SEMA5A: variants seen among roughly 807,000 people sequenced by gnomAD.
The protein encoded by SEMA5A is semaphorin-5A.
Under a neutral mutation model 135.5 loss-of-function variants are expected in SEMA5A, and 55 were observed. That is an observed-to-expected ratio of 0.41 (90% CI 0.33 to 0.51). The LOEUF is 0.51. SEMA5A is among the 20% of genes least tolerant of loss of function. The pLI is 0.37. For synonymous variants in SEMA5A, 580 were observed against 546.5 expected (o/e 1.06, Z -0.85); for missense variants, 1,290 against 1,419.9 (o/e 0.91, Z 1.47).
At chr5:9,215,981 T>G (rs957295751) in intron 8 of SEMA5A, among the ~76,000 whole-genome samples, 1 of 152,182 alleles carries the variant, frequency 6.6e-6, no homozygotes, top group Non-Finnish European at 1.5e-5. Flanking sequence ...CTATATATGA[T>G]GCATACCTGA....
chr5:9,070,632 T>C (rs1737722959), intron 16 of SEMA5A, among the ~76,000 whole-genome samples: 3 of 152,224 alleles, frequency 2.0e-5, no homozygotes, highest in African/African-American at 2.4e-5. Context: ...TGCATTGGCA[T>C]CTGTGTGTTG....
intron 2 of SEMA5A, among the ~76,000 whole-genome samples, chr5:9,389,808 C>T (rs768920105): frequency 6.6e-5 from 10 of 152,188 alleles, no homozygotes; most frequent in Non-Finnish European, 1.3e-4. Context: ...ACTTTTCTCT[C>T]GTCCCTATCT....
intron 11 of SEMA5A, among the ~76,000 whole-genome samples, chr5:9,168,629 T>C (rs1174250819): frequency 6.6e-6 from 1 of 152,226 alleles, no homozygotes; most frequent in Non-Finnish European, 1.5e-5. Flanking sequence ...TGGGCAGGGA[T>C]ACTACCTTCA....
intron 1 of SEMA5A, among the ~76,000 whole-genome samples, chr5:9,504,006 G>C (rs751211272): frequency 4.6e-5 from 7 of 151,956 alleles, no homozygotes; most frequent in Admixed American, 1.3e-4. Flanking sequence ...CACAAGGTCA[G>C]GGATTTGAGA....
intron 1 of SEMA5A, among the ~76,000 whole-genome samples, chr5:9,483,100 T>G (rs1240658699): frequency 6.6e-6 from 1 of 152,188 alleles, no homozygotes; most frequent in African/African-American, 2.4e-5. Flanking sequence ...TTGAAGAAAT[T>G]TGCTGTTCAT....
intron 5 of SEMA5A, among the ~76,000 whole-genome samples, chr5:9,297,008 C>T (rs1037976280): frequency 6.6e-6 from 1 of 151,436 alleles, no homozygotes; most frequent in African/African-American, 2.4e-5. Context: ...GGGAGACAAC[C>T]AAAAAGGTGC....
chr5:9,256,806 G>C (rs1749094374), intron 5 of SEMA5A, among the ~76,000 whole-genome samples: 1 of 152,198 alleles, frequency 6.6e-6, no homozygotes, highest in Non-Finnish European at 1.5e-5. Flanking sequence ...TCTGTCTGAA[G>C]GTAGGAATTT....
intron 11 of SEMA5A, among the ~76,000 whole-genome samples, chr5:9,169,975 A>G (rs768868015): frequency 6.6e-6 from 1 of 152,208 alleles, no homozygotes; most frequent in Non-Finnish European, 1.5e-5. Context: ...TACTGGGCTC[A>G]ATGTCCACTG....
intron 1 of SEMA5A, among the ~76,000 whole-genome samples, chr5:9,497,000 G>A (rs1735336727): frequency 6.6e-6 from 1 of 152,204 alleles, no homozygotes; most frequent in Non-Finnish European, 1.5e-5. Flanking sequence ...CCTTGCATAT[G>A]AATTCAATAT....
intron 17 of SEMA5A, among the ~76,000 whole-genome samples, chr5:9,064,176 T>C: frequency 6.6e-6 from 1 of 152,186 alleles, no homozygotes; most frequent in East Asian, 1.9e-4. Flanking sequence ...AAATTAGTAT[T>C]CTGTGGTGAA....
intron 16 of SEMA5A, among the ~76,000 whole-genome samples, chr5:9,085,939 G>C (rs138799609): frequency 2.0e-3 from 307 of 152,330 alleles, no homozygotes; most frequent in African/African-American, 6.7e-3. Flanking sequence ...GCATCAGTGT[G>C]ACCTGGATGT....
chr5:9,400,779 C>T (rs1299279978), intron 2 of SEMA5A, among the ~76,000 whole-genome samples: 1 of 152,114 alleles, frequency 6.6e-6, no homozygotes, highest in African/African-American at 2.4e-5. Context: ...ACATTTTTTA[C>T]TGAAATGCAC....
At chr5:9,071,257 T>C (rs1231051961) in intron 16 of SEMA5A, among the ~76,000 whole-genome samples, 2 of 152,226 alleles carry the variant, frequency 1.3e-5, no homozygotes, top group Non-Finnish European at 1.5e-5. Context: ...CTTACTTCTA[T>C]GCCAAGTACT....
At chr5:9,501,475 T>C (rs967822021) in intron 1 of SEMA5A, among the ~76,000 whole-genome samples, 9 of 152,294 alleles carry the variant, frequency 5.9e-5, no homozygotes, top group African/African-American at 2.2e-4. Flanking sequence ...TTTTCCTATG[T>C]AGAGAATACA....
intron 15 of SEMA5A, among the ~76,000 whole-genome samples, chr5:9,112,470 C>A (rs1197617703): frequency 6.6e-6 from 1 of 152,190 alleles, no homozygotes; most frequent in Non-Finnish European, 1.5e-5. Flanking sequence ...TCTAAATGAT[C>A]AGCCCTCTAC....
At chr5:9,400,430 TTAAAC>T (rs1175653717) in intron 2 of SEMA5A, among the ~76,000 whole-genome samples, 69 of 151,628 alleles carry the variant, frequency 4.6e-4, no homozygotes, top group African/African-American at 1.4e-3. Flanking sequence ...TTTAGACAAA[TTAAAC>T]AATCTGAAGA....
intron 11 of SEMA5A, among the ~76,000 whole-genome samples, chr5:9,178,325 T>TC (rs1235418694): frequency 3.0e-4 from 43 of 142,478 alleles, no homozygotes; most frequent in East Asian, 2.2e-4. Flanking sequence ...CTTTTTTTTT[T>TC]CTCTCCTTTT....
intron 2 of SEMA5A, among the ~76,000 whole-genome samples, chr5:9,387,728 T>G (rs1755959656): frequency 6.6e-6 from 1 of 152,196 alleles, no homozygotes; most frequent in South Asian, 2.1e-4. Context: ...ACAATAAACT[T>G]AAGTTAATGC....
intron 1 of SEMA5A, among the ~76,000 whole-genome samples, chr5:9,499,298 C>T (rs62341321): frequency 0.015 from 2,274 of 152,282 alleles, 31 homozygotes; most frequent in Non-Finnish European, 0.021. Flanking sequence ...TATTTTCTTT[C>T]CACCTCACCT....
Sources: gnomAD v4.1 joint callset for allele counts (sites outside exome capture counted in the v4.1 genomes callset) on GRCh38, gnomAD v4.1.1 for gene constraint, MANE v1.5 for transcripts, NCBI Gene and HGNC (gene_info 2026-07-23, HGNC 2026-07-21) for gene names.